EDDM13: variants seen among roughly 807,000 people sequenced by gnomAD.
EDDM13 encodes the protein epididymal protein 13.
Under a neutral mutation model 17.8 loss-of-function variants are expected in EDDM13, and 24 were observed. That is an observed-to-expected ratio of 1.35 (90% CI 0.98 to 1.90). The LOEUF is 1.90. EDDM13 is among the 40% of genes most tolerant of loss of function. The pLI is 0.00. For synonymous variants in EDDM13, 31 were observed against 37.5 expected, an observed-to-expected ratio of 0.83 and a Z score of 0.63; for missense variants, 97 against 100.8, an observed-to-expected ratio of 0.96 and a Z score of 0.16.
At chr19:56,304,603 T>G (rs902458487) in intron 13 of EDDM13, among the ~76,000 whole-genome samples, 190 bp from the exon 14 acceptor site, 1 of 150,342 alleles carries the variant, frequency 6.7e-6, no homozygotes, top group Non-Finnish European at 1.5e-5. Flanking sequence ...GGGAAGAAGG[T>G]GGGAGTGGTG....
At chr19:56,304,220 G>A (rs1464409784) in intron 13 of EDDM13, among the ~76,000 whole-genome samples, 3 of 152,260 alleles carry the variant, frequency 2.0e-5, no homozygotes, top group Admixed American at 2.0e-4. Flanking sequence ...ATGGAGATGA[G>A]AGCCGTGCAG....
At chr19:56,289,251 T>C (rs778018285) in intron 8 of EDDM13, among the ~76,000 whole-genome samples, 59 of 152,218 alleles carry the variant, frequency 3.9e-4, no homozygotes, top group Admixed American at 1.4e-3. Flanking sequence ...GTAAGCTAGC[T>C]TCAGCACCTC....
chr19:56,274,051 A>ATGGGTCAGATGCTGGTGGT (rs1568679385), intron 1 of EDDM13, among the ~76,000 whole-genome samples: 1 of 152,138 alleles, frequency 6.6e-6, no homozygotes, highest in Non-Finnish European at 1.5e-5. Context: ...GGATTGAGTG[A>ATGGGTCAGATGCTGGTGGT]TGGGTCAGAT....
At chr19:56,282,116 G>T (rs928234629) in intron 3 of EDDM13, among the ~76,000 whole-genome samples, 1 of 152,174 alleles carries the variant, frequency 6.6e-6, no homozygotes. Context: ...ATGGTACAGG[G>T]TGGGTAAGAC....
rs183341461 is a variant in EDDM13 at position 56,278,614 on chromosome 19, T to G, written c.103+2505T>G. 3.5e-4 allele frequency among the ~76,000 whole-genome samples: 53 copies of G among 152,276 alleles called. No homozygotes were observed. The East Asian group carries it at 0.01, about 29-fold the overall frequency. On this transcript the variant is annotated intron_variant, in intron 2 of 14. Coordinates refer to ENST00000649256, the MANE Select transcript of EDDM13 (RefSeq NM_001354658.2). ...TTGATAGAGATATTTGAGAACAAAT[T>G]TCTTAGGGGAATTAGCTCACTCAGT...
chr19:56,281,279 G>A (rs113578549), intron 2 of EDDM13, among the ~76,000 whole-genome samples: 30,467 of 152,026 alleles, frequency 0.2, 3,160 homozygotes, highest in Middle Eastern at 0.37. Context: ...GGTGGCAGAG[G>A]CAGAAGAAAA....
At chr19:56,302,600 C>CCTT (rs1568726800) in intron 13 of EDDM13, among the ~76,000 whole-genome samples, 2 of 70,942 alleles carry the variant, frequency 2.8e-5, no homozygotes, top group Non-Finnish European at 5.8e-5. Context: ...TCCTCTCCCT[C>CCTT]TTCTTCCTCT....
intron 9 of EDDM13, among the ~76,000 whole-genome samples, chr19:56,291,903 T>C (rs28399816): frequency 0.056 from 8,577 of 152,290 alleles, 775 homozygotes; most frequent in African/African-American, 0.19. Context: ...AAGAGCTTTC[T>C]AGGTGCCAGG....
intron 14 of EDDM13, among the ~76,000 whole-genome samples, chr19:56,309,096 C>T (rs4801312): frequency 0.44 from 66,329 of 152,070 alleles, 14,758 homozygotes; most frequent in Middle Eastern, 0.6. Flanking sequence ...TGCATTCATA[C>T]AATGGATTAT....
At chr19:56,285,283 G>A (rs1031570625) in intron 6 of EDDM13, among the ~76,000 whole-genome samples, 2 of 152,098 alleles carry the variant, frequency 1.3e-5, no homozygotes, top group African/African-American at 2.4e-5. Context: ...GGAAAATATC[G>A]AGGAAACATA....
intron 12 of EDDM13, among the ~76,000 whole-genome samples, chr19:56,300,815 A>C (rs566362245): frequency 4.5e-4 from 68 of 152,306 alleles, no homozygotes; most frequent in African/African-American, 1.5e-3. Context: ...AAAAAAAATG[A>C]GATTTTCTGA....
rs953537883 is a variant in EDDM13, at chr19:56,310,405, C to T, written c.*257C>T. 1.3e-5 allele frequency: 2 copies of T among 152,240 alleles called. No homozygotes were observed. The highest frequency in any genetic ancestry group is 4.8e-5 in the African/African-American group (2 of 41,462). The allele number at this position is 152,240 out of a possible 1,614,324, so 9.4% of individuals were successfully genotyped here. A position where few individuals can be genotyped will look rare whatever the true frequency, so the allele number is the denominator to read the frequency against. On this transcript the variant is annotated 3_prime_UTR_variant, in exon 15 of 15. Transcript: ENST00000649256. ...TAAAATCTCTCCTCCAGATCGTTCT[C>T]GAACTTTCCCCACTACTTCCATAAT...
intron 12 of EDDM13, among the ~76,000 whole-genome samples, chr19:56,300,828 G>A (rs1195388082): frequency 6.6e-6 from 1 of 152,188 alleles, no homozygotes; most frequent in East Asian, 1.9e-4. Flanking sequence ...TTTTCTGAAT[G>A]TAATACTTTT....
chr19:56,296,439 G>A (rs908409382), intron 11 of EDDM13, 77 bp downstream of exon 11: 1 of 151,970 alleles, frequency 6.6e-6, no homozygotes, highest in African/African-American at 2.4e-5. Flanking sequence ...CTATGGTGGG[G>A]GGTCCCTTAA....
chr19:56,285,071 G>GC (rs1399379601), intron 6 of EDDM13, 47 bp downstream of exon 6: 23 of 951,734 alleles, frequency 2.4e-5, no homozygotes, highest in Non-Finnish European at 2.8e-5. Context: ...TCTCTTGTCC[G>GC]CAAGGTAATG....
chr19:56,302,108 C>G lies in EDDM13; in HGVS notation c.423+13C>G. 8.1e-7 allele frequency: 1 copy of G among 1,231,372 alleles called. No individual in the cohort carries two copies. Among genetic ancestry groups the G allele is most frequent in the Non-Finnish European group, 1.0e-6 (1 of 987,720 alleles). 76.3% of individuals were successfully genotyped at this position (1,231,372 alleles called of 1,614,324 possible). On this transcript the variant is annotated intron_variant, in intron 13 of 14. Transcript: ENST00000649256. Reference sequence around the variant, plus strand: ...CAAAGGGGACTGGGTAAGAAGAAGGCAGCACGGAGGGGAGGAGTGTGAGGA... The same window carrying G: ...CAAAGGGGACTGGGTAAGAAGAAGGGAGCACGGAGGGGAGGAGTGTGAGGA...
chr19:56,280,932 G>C (rs2038647357), intron 2 of EDDM13, among the ~76,000 whole-genome samples: 1 of 152,148 alleles, frequency 6.6e-6, no homozygotes, highest in Non-Finnish European at 1.5e-5. Flanking sequence ...CTTGAACAAT[G>C]TGAGAGTTAG....
At chr19:56,307,287 C>G (rs528689666) in intron 14 of EDDM13, among the ~76,000 whole-genome samples, 1 of 152,158 alleles carries the variant, frequency 6.6e-6, no homozygotes, top group Non-Finnish European at 1.5e-5. Flanking sequence ...AATGTCAACT[C>G]GATCATACGA....
At chr19:56,301,744 T>G (rs73618161) in intron 12 of EDDM13, among the ~76,000 whole-genome samples, 1,890 of 152,124 alleles carry the variant, frequency 0.012, 39 homozygotes, top group African/African-American at 0.042. Context: ...GTCTTGGATG[T>G]GAGGTGGGAG....
Sources: allele counts gnomAD v4.1 joint callset (sites outside exome capture counted in the v4.1 genomes callset), GRCh38; gene constraint gnomAD v4.1.1; transcripts MANE v1.5; gene names NCBI Gene and HGNC (gene_info 2026-07-23, HGNC 2026-07-21).